The following CSNK2A2IP variants were observed in gnomAD, a reference collection of about 807,000 sequenced individuals.
CSNK2A2IP encodes casein kinase II subunit alpha'-interacting protein.
chr3:88,412,486 T>C, the CSNK2A2IP span, among the ~76,000 whole-genome samples: 1 of 152,026 alleles, frequency 6.6e-6, no homozygotes, highest in Non-Finnish European at 1.5e-5. Context: ...TTCATTCCTG[T>C]TTTGTAATAA....
At chr3:88,418,463 T>TGTGTGTGTGTGTGTGCGCGC in the CSNK2A2IP span, among the ~76,000 whole-genome samples, 17 of 149,632 alleles carry the variant, frequency 1.1e-4, 1 homozygote, top group African/African-American at 3.4e-4. Flanking sequence ...TGTGTGTGTG[T>TGTGTGTGTGTGTGTGCGCGC]GCGCGCGGGC....
the CSNK2A2IP span, among the ~76,000 whole-genome samples, chr3:88,441,982 G>T: frequency 1.1e-3 from 162 of 151,938 alleles, no homozygotes; most frequent in African/African-American, 3.9e-3. Flanking sequence ...AAAGTAATTT[G>T]GGAGGTTTTA....
the CSNK2A2IP span, among the ~76,000 whole-genome samples, chr3:88,410,481 C>A: frequency 6.6e-6 from 1 of 152,014 alleles, no homozygotes; most frequent in Non-Finnish European, 1.5e-5. Context: ...GCTCTCCTGC[C>A]ACGGAAGTCT....
chr3:88,370,374 G>C, the CSNK2A2IP span, among the ~76,000 whole-genome samples: 3 of 151,866 alleles, frequency 2.0e-5, no homozygotes, highest in South Asian at 4.1e-4. Flanking sequence ...TCAGTCAAAG[G>C]TTGGACTAGC....
chr3:88,466,129 A>T, the CSNK2A2IP span: 8 of 1,231,546 alleles, frequency 6.5e-6, no homozygotes, highest in African/African-American at 9.3e-5. Flanking sequence ...CTTATTTTGG[A>T]CATCACCTTC....
chr3:88,462,991 A>G, the CSNK2A2IP span, among the ~76,000 whole-genome samples: 1 of 152,356 alleles, frequency 6.6e-6, no homozygotes, highest in East Asian at 1.9e-4. Context: ...TATGGTACTA[A>G]TAAGATATAC....
the CSNK2A2IP span, among the ~76,000 whole-genome samples, chr3:88,446,125 T>G: frequency 6.7e-6 from 1 of 149,718 alleles, no homozygotes; most frequent in Admixed American, 6.7e-5. Flanking sequence ...TTTTTTTTCT[T>G]TCTTTCTTGT....
the CSNK2A2IP span, among the ~76,000 whole-genome samples, chr3:88,369,766 A>G: frequency 6.6e-6 from 1 of 151,668 alleles, no homozygotes; most frequent in Non-Finnish European, 1.5e-5. Flanking sequence ...TTCCCTGGCC[A>G]CACACAGTTT....
the CSNK2A2IP span, among the ~76,000 whole-genome samples, chr3:88,422,145 A>G: frequency 6.6e-6 from 1 of 152,154 alleles, no homozygotes; most frequent in Non-Finnish European, 1.5e-5. Flanking sequence ...TTTTTTTTGT[A>G]AGTAACTTTG....
the CSNK2A2IP span, among the ~76,000 whole-genome samples, chr3:88,426,405 C>A: frequency 6.6e-6 from 1 of 152,184 alleles, no homozygotes; most frequent in Non-Finnish European, 1.5e-5. Flanking sequence ...GATAAAAATG[C>A]AGACTTTCAG....
the CSNK2A2IP span, among the ~76,000 whole-genome samples, chr3:88,356,319 T>A: frequency 6.6e-6 from 1 of 152,096 alleles, no homozygotes; most frequent in Non-Finnish European, 1.5e-5. Context: ...ATTTTTTTTT[T>A]AGCTCCCACA....
the CSNK2A2IP span, among the ~76,000 whole-genome samples, chr3:88,450,080 G>A: frequency 6.6e-6 from 1 of 151,276 alleles, no homozygotes; most frequent in Non-Finnish European, 1.5e-5. Context: ...TGTTGGCCAG[G>A]CTGTTCTTGA....
the CSNK2A2IP span, among the ~76,000 whole-genome samples, chr3:88,428,229 C>T: frequency 3.8e-3 from 580 of 152,192 alleles, 1 homozygote; most frequent in African/African-American, 0.012. Context: ...CCATTTGGAA[C>T]GGCTGTATTT....
At chr3:88,360,334 C>T in the CSNK2A2IP span, among the ~76,000 whole-genome samples, 6 of 151,994 alleles carry the variant, frequency 3.9e-5, no homozygotes, top group African/African-American at 1.4e-4. Context: ...GGGGTTTCAC[C>T]GTGTTAGCCA....
the CSNK2A2IP span, among the ~76,000 whole-genome samples, chr3:88,464,462 T>A: frequency 0.32 from 49,037 of 151,386 alleles, 10,103 homozygotes; most frequent in Non-Finnish European, 0.47. Flanking sequence ...AAGAAAAAAA[T>A]TCAGTGAAGA....
the CSNK2A2IP span, among the ~76,000 whole-genome samples, chr3:88,445,965 CCTCCCT>C: frequency 5.5e-5 from 6 of 109,054 alleles, no homozygotes; most frequent in Non-Finnish European, 1.3e-4. Flanking sequence ...TCTCTCCCTC[CCTCCCT>C]CTCTCTCTTT....
At chr3:88,438,278 G>C in the CSNK2A2IP span, among the ~76,000 whole-genome samples, 1 of 152,126 alleles carries the variant, frequency 6.6e-6, no homozygotes, top group African/African-American at 2.4e-5. Context: ...TTTAAAGTAT[G>C]GTGGTTTGGT....
At chr3:88,395,747 A>G in the CSNK2A2IP span, among the ~76,000 whole-genome samples, 1 of 152,190 alleles carries the variant, frequency 6.6e-6, no homozygotes, top group African/African-American at 2.4e-5. Flanking sequence ...GAAATGGTGT[A>G]TAGCTCGAAT....
the CSNK2A2IP span, among the ~76,000 whole-genome samples, chr3:88,433,752 T>C: frequency 6.6e-6 from 1 of 152,150 alleles, no homozygotes; most frequent in African/African-American, 2.4e-5. Context: ...TTTCTGTTGC[T>C]AAAAACAGAG....
Sources: allele counts gnomAD v4.1 joint callset (sites outside exome capture counted in the v4.1 genomes callset), GRCh38; gene constraint gnomAD v4.1.1; transcripts MANE v1.5; gene names NCBI Gene and HGNC (gene_info 2026-07-23, HGNC 2026-07-21).